The following IFIT3 variants were observed in gnomAD, a reference collection of about 807,000 sequenced individuals.
The protein encoded by IFIT3 is interferon induced protein with tetratricopeptide repeats 3.
A neutral mutation model predicts 2.4 loss-of-function variants in IFIT3; 2 were observed. The observed-to-expected ratio is 0.82, with a 90% CI of 0.34 to 2.60. IFIT3 has a LOEUF of 2.60. IFIT3 is among the 30% of genes most tolerant of loss of function. The pLI is 0.11. For missense variants in IFIT3, 481 were observed against 562.4 expected (o/e 0.86, Z 1.46); for synonymous variants, 203 against 212.1 (o/e 0.96, Z 0.37).
chr10:89,340,221 T>A lies in IFIT3; in HGVS notation c.*93T>A. On this transcript the variant is annotated 3_prime_UTR_variant, in exon 2 of 2. Coordinates refer to ENST00000371818, the MANE Select transcript of IFIT3 (RefSeq NM_001549.6). ...ACAGGGGGCCCCAACCTGGGATTGCTGAGCAGGGAAGCTTTGCATGTTGCT... is the reference window on the plus strand; with the variant it reads ...ACAGGGGGCCCCAACCTGGGATTGCAGAGCAGGGAAGCTTTGCATGTTGCT... 1 of 1,329,864 alleles carries A rather than the reference T, an allele frequency of 7.5e-7. No individual in the cohort carries two copies. The highest frequency in any genetic ancestry group is 2.4e-5 in the East Asian group (1 of 41,632). 82.4% of individuals were successfully genotyped at this position (1,329,864 alleles called of 1,614,324 possible). A position where few individuals can be genotyped will look rare whatever the true frequency, so the allele number is the denominator to read the frequency against.
chr10:89,340,427 T>G lies in IFIT3; in HGVS notation c.*299T>G, dbSNP rs12251895. ...CAAAAAATTAGCCAGGCGTGGTGGC[T>G]GGCACCTGTAGTCCCAGCTACTTGG... is the stretch of plus-strand genomic sequence containing the variant. On this transcript the variant is annotated 3_prime_UTR_variant, in exon 2 of 2. Transcript: ENST00000371818. The G allele has an allele frequency of 0.059, 11,299 of 191,030 alleles. 958 individuals are homozygous for G. Among genetic ancestry groups the G allele is most frequent in the African/African-American group, 0.2 (8,635 of 42,476 alleles). 11.8% of individuals were successfully genotyped at this position (191,030 alleles called of 1,614,324 possible). A position where few individuals can be genotyped will look rare whatever the true frequency, so the allele number is the denominator to read the frequency against.
At chr10:89,338,525 T>A (rs1482226874) in intron 1 of IFIT3, 136 bp from the exon 2 acceptor site, 1 of 803,354 alleles carries the variant, frequency 1.2e-6, no homozygotes, top group African/African-American at 1.7e-5. Context: ...CAACCTCACA[T>A]ACATACCCAG....
chr10:89,336,318 G>A (rs1230172193), intron 1 of IFIT3, among the ~76,000 whole-genome samples: 1 of 152,154 alleles, frequency 6.6e-6, no homozygotes, highest in Admixed American at 6.5e-5. Flanking sequence ...ACCAAGAAAA[G>A]GAAAAGGACT....
chr10:89,328,087 A>G lies in IFIT3; in HGVS notation c.5+9A>G, dbSNP rs777131118. Reference sequence around the variant, plus strand: ...CAGAGGGCAGTCATGAGGTCAGTGAAATAAGAATGCATAATCATGCTTGTT... The same window carrying G: ...CAGAGGGCAGTCATGAGGTCAGTGAGATAAGAATGCATAATCATGCTTGTT... On this transcript the variant is annotated intron_variant, in intron 1 of 1. Transcript: ENST00000371818. 2.5e-6 allele frequency: 4 copies of G among 1,613,752 alleles called. No homozygotes were observed. Among genetic ancestry groups the G allele is most frequent in the Admixed American group, 3.3e-5 (2 of 60,010 alleles).
At chr10:89,334,548 T>G (rs931938816) in intron 1 of IFIT3, among the ~76,000 whole-genome samples, 2 of 133,254 alleles carry the variant, frequency 1.5e-5, no homozygotes, top group African/African-American at 5.7e-5. Flanking sequence ...CAGGCTGGAG[T>G]GTAGTGGCCC....
chr10:89,329,286 C>T (rs970262683), intron 1 of IFIT3, among the ~76,000 whole-genome samples: 3 of 152,140 alleles, frequency 2.0e-5, no homozygotes, highest in Non-Finnish European at 4.4e-5. Context: ...TGCCAAATAC[C>T]TCAGTATATA....
At chr10:89,338,590 T>A in intron 1 of IFIT3, 71 bp from the exon 2 acceptor site, 2 of 1,416,304 alleles carry the variant, frequency 1.4e-6, no homozygotes, top group South Asian at 1.3e-5. Context: ...AATTGACATA[T>A]AAAATTAATG....
rs1221434543 is a variant in IFIT3 at position 89,339,692 on chromosome 10, C to T, written c.1037C>T (p.Thr346Ile). 1.9e-6 allele frequency: 3 copies of T among 1,614,084 alleles called. No individual in the cohort carries two copies. In the South Asian group the frequency reaches 3.3e-5, roughly 18 times the overall value. ...AEFLETECYQTPFNKEVPDAE... is the reference protein window; with the variant it reads ...AEFLETECYQIPFNKEVPDAE... ...TTCCTGGAGACGGAATGTTATCAGA[C>T]ACCATTCAATAAGGAAGTCCCTGAT... Residue 346 changes from threonine to isoleucine, a missense_variant, in exon 2 of 2, where the codon ACA (threonine) becomes ATA (isoleucine). Thr to Ile is a moderately conservative substitution (Grantham distance 89). Transcript: ENST00000371818.
chr10:89,334,343 A>G (rs1263301079), intron 1 of IFIT3, among the ~76,000 whole-genome samples: 1 of 151,258 alleles, frequency 6.6e-6, no homozygotes, highest in Non-Finnish European at 1.5e-5. Context: ...GTCATGGGAA[A>G]TCTCTTTCTG....
In IFIT3 at chr10:89,340,240, T is replaced by G. The variant is rs1319069258; in HGVS notation, c.*112T>G. 8.7e-7 allele frequency: 1 copy of G among 1,145,112 alleles called. No individual in the cohort carries two copies. The highest frequency in any genetic ancestry group is 1.2e-6 in the Non-Finnish European group (1 of 825,960). The allele number at this position is 1,145,112 out of a possible 1,614,324, so 70.9% of individuals were successfully genotyped here. On this transcript the variant is annotated 3_prime_UTR_variant, in exon 2 of 2. Transcript: ENST00000371818. The stretch of plus-strand genomic sequence containing the variant: ...GATTGCTGAGCAGGGAAGCTTTGCA[T>G]GTTGCTCTAAGGTACATTTTTAAAG...
At chr10:89,334,395 G>A (rs1397121673) in intron 1 of IFIT3, among the ~76,000 whole-genome samples, 1 of 150,448 alleles carries the variant, frequency 6.6e-6, no homozygotes, top group Non-Finnish European at 1.5e-5. Context: ...TCTACTAGAT[G>A]CAGATCCAGG....
At chr10:89,331,686 C>A (rs1414966304) in intron 1 of IFIT3, among the ~76,000 whole-genome samples, 1 of 151,596 alleles carries the variant, frequency 6.6e-6, no homozygotes, top group African/African-American at 2.4e-5. Flanking sequence ...TAGTGAGACC[C>A]CGTCTGTACT....
At chr10:89,328,155 C>G (rs2133537761) in intron 1 of IFIT3, 77 bp downstream of exon 1, 1 of 1,356,582 alleles carries the variant, frequency 7.4e-7, no homozygotes, top group African/African-American at 1.4e-5. Flanking sequence ...TGTGCAGGCA[C>G]ATTCCTGAAT....
At position 89,339,468 on chromosome 10, in the gene IFIT3, A is replaced by C; in HGVS notation, c.813A>C (p.Thr271=). 6.2e-7 allele frequency: 1 copy of C among 1,614,096 alleles called. No individual in the cohort carries two copies. The highest frequency in any genetic ancestry group is 2.2e-5 in the East Asian group (1 of 44,866). The change falls in exon 2 of 2, where the codon ACA becomes ACC. Residue 271 remains threonine, a synonymous_variant. Transcript: ENST00000371818. ...IELFQRVLES[T]PNNGYLYHQI... ...TGTTTCAACGGGTGTTGGAATCCACACCAAACAATGGCTACCTCTATCACC... is the reference window on the plus strand; with the variant it reads ...TGTTTCAACGGGTGTTGGAATCCACCCCAAACAATGGCTACCTCTATCACC...
Position 89,339,443 on chromosome 10 carries a change from T to G in IFIT3, c.788T>G (p.Leu263Arg), listed in dbSNP as rs1366818540. The G allele has an allele frequency of 5.6e-6, 9 of 1,614,088 alleles. No homozygotes were observed. Among genetic ancestry groups the G allele is most frequent in the Non-Finnish European group, 7.6e-6 (9 of 1,180,036 alleles). Residue 263 changes from leucine (L) to arginine (R), a missense_variant, in exon 2 of 2, where the codon CTG becomes CGG. Physicochemically the swap from Leu to Arg is moderately radical, Grantham distance 102 (BLOSUM62 -2). Coordinates refer to ENST00000371818, the MANE Select transcript of IFIT3 (RefSeq NM_001549.6). ...RKGDLDKAIE[L>R]FQRVLESTPN... ...GGTGACCTAGACAAAGCTATTGAAC[T>G]GTTTCAACGGGTGTTGGAATCCACA...
intron 1 of IFIT3, among the ~76,000 whole-genome samples, chr10:89,335,818 A>G (rs1321082588): frequency 6.6e-6 from 1 of 152,192 alleles, no homozygotes; most frequent in Non-Finnish European, 1.5e-5. Context: ...TCATGTTTCC[A>G]TGACTTTATT....
Position 89,332,766 on chromosome 10 carries a change from A to G in IFIT3, c.5+4688A>G, listed in dbSNP as rs1237693522. 4 of 916,512 alleles carry G rather than the reference A, an allele frequency of 4.4e-6. No homozygotes were observed. The East Asian group carries it at 7.7e-5, about 18-fold the overall frequency. The allele number at this position is 916,512 out of a possible 1,614,324, so 56.8% of individuals were successfully genotyped here. On this transcript the variant is annotated intron_variant, in intron 1 of 1. Coordinates refer to ENST00000371818, the MANE Select transcript of IFIT3 (RefSeq NM_001549.6). ...ATAAATCTGCCTTACCAATTCATGC[A>G]TTTTTATTTCTGTAGCTCTTTGTGA...
chr10:89,339,897 A>G lies in IFIT3; in HGVS notation c.1242A>G (p.Ala414=). Reference sequence around the variant, plus strand: ...CTGAAAATCTGCTTCCACAAAATGCACCAAATTATTGGTATCTTCAAGGAT... The same window carrying G: ...CTGAAAATCTGCTTCCACAAAATGCGCCAAATTATTGGTATCTTCAAGGAT... ...NVSENLLPQN[A]PNYWYLQGLI... is the part of the protein sequence containing the mutation. The change falls in exon 2 of 2, where the codon GCA becomes GCG. Residue 414 remains alanine, a synonymous_variant. Coordinates refer to ENST00000371818, the MANE Select transcript of IFIT3 (RefSeq NM_001549.6). 1 of 1,614,174 alleles carries G rather than the reference A, an allele frequency of 6.2e-7. No homozygotes were observed. The highest frequency in any genetic ancestry group is 8.5e-7 in the Non-Finnish European group (1 of 1,180,000).
rs763352406 is a variant in IFIT3, at chr10:89,339,501, G to A, written c.846G>A (p.Gly282=). ...PNNGYLYHQI[G]CCYKAKVRQM... ...ATGGCTACCTCTATCACCAGATTGG[G>A]TGCTGCTACAAGGCAAAAGTAAGAC... Residue 282 remains glycine, a synonymous_variant, in exon 2 of 2, where the codon GGG becomes GGA. Coordinates refer to ENST00000371818, the MANE Select transcript of IFIT3 (RefSeq NM_001549.6). The A allele has an allele frequency of 2.5e-6, 4 of 1,614,158 alleles. No homozygotes were observed. The South Asian group carries it at 3.3e-5, about 13-fold the overall frequency.
Sources: allele counts gnomAD v4.1 joint callset (sites outside exome capture counted in the v4.1 genomes callset), GRCh38; gene constraint gnomAD v4.1.1; transcripts MANE v1.5; gene names NCBI Gene and HGNC (gene_info 2026-07-23, HGNC 2026-07-21).